Variants in PPM1D observed in about 807,000 individuals in gnomAD.
PPM1D encodes the protein protein phosphatase 1D.
PPM1D carries 52 observed loss-of-function variants against 58.3 expected under a neutral mutation model. The observed-to-expected ratio is 0.89, with a 90% CI of 0.71 to 1.12. The LOEUF is 1.12. Among genes scored for constraint, PPM1D ranks in the 50% most tolerant of loss-of-function variants. PPM1D has a pLI of 0.00. For missense variants in PPM1D, 564 were observed against 777.2 expected (o/e 0.73, Z 3.26); for synonymous variants, 278 against 285.1 (o/e 0.98, Z 0.25).
intron 3 of PPM1D, among the ~76,000 whole-genome samples, chr17:60,636,231 A>G (rs1462510243): frequency 1.3e-5 from 2 of 152,212 alleles, no homozygotes. Context: ...GCCCTGAATC[A>G]CTAAATCAAG....
At chr17:60,656,368 G>A (rs1269884682) in intron 4 of PPM1D, among the ~76,000 whole-genome samples, 1 of 151,192 alleles carries the variant, frequency 6.6e-6, no homozygotes, top group African/African-American at 2.4e-5. Flanking sequence ...CAGAAGAATG[G>A]CATGAACCCG....
At chr17:60,616,749 A>C (rs2030593717) in intron 1 of PPM1D, among the ~76,000 whole-genome samples, 1 of 152,220 alleles carries the variant, frequency 6.6e-6, no homozygotes, top group African/African-American at 2.4e-5. Context: ...GAATAGGGAA[A>C]GTATGAATTA....
At chr17:60,606,420 A>G (rs1221586111) in intron 1 of PPM1D, among the ~76,000 whole-genome samples, 2 of 152,224 alleles carry the variant, frequency 1.3e-5, no homozygotes, top group African/African-American at 4.8e-5. Context: ...CTATAAGTGG[A>G]ATTGCTGGAT....
intron 4 of PPM1D, among the ~76,000 whole-genome samples, chr17:60,651,665 G>A (rs2031345626): frequency 1.3e-5 from 2 of 151,978 alleles, no homozygotes; most frequent in Non-Finnish European, 1.5e-5. Context: ...CAAAGTGCTG[G>A]GATTACAGGT....
intron 3 of PPM1D, among the ~76,000 whole-genome samples, chr17:60,636,954 C>T (rs1255022231): frequency 2.7e-5 from 4 of 149,652 alleles, no homozygotes; most frequent in Non-Finnish European, 4.4e-5. Context: ...CGACAGCGCT[C>T]AGCCTACTCA....
chr17:60,648,319 C>A (rs1395812715), intron 4 of PPM1D, among the ~76,000 whole-genome samples: 2 of 151,950 alleles, frequency 1.3e-5, no homozygotes, highest in African/African-American at 2.4e-5. Flanking sequence ...TATAAATTGG[C>A]CTGTGAAACG....
At chr17:60,642,352 ATTTTTTTTTTT>A (rs760188816) in intron 3 of PPM1D, among the ~76,000 whole-genome samples, 1 of 124,874 alleles carries the variant, frequency 8.0e-6, no homozygotes, top group Non-Finnish European at 1.7e-5. Flanking sequence ...AGAAGAATGG[ATTTTTTTTTTT>A]TTTTTTTTTT....
In PPM1D at chr17:60,663,332, A is replaced by G; in HGVS notation, c.1598A>G (p.Asn533Ser). 6.2e-7 allele frequency: 1 copy of G among 1,614,188 alleles called. No individual in the cohort carries two copies. The highest frequency in any genetic ancestry group is 8.5e-7 in the Non-Finnish European group (1 of 1,180,018). Residue 533 changes from asparagine (N) to serine (S), a missense_variant, in exon 6 of 6, where the codon AAC (asparagine) becomes AGC (serine). By Grantham distance (46) the Asn-to-Ser change is conservative. Coordinates refer to ENST00000305921, the MANE Select transcript of PPM1D (RefSeq NM_003620.4). ...AQEIERTPPT[N>S]FKRTLEESNS... ...GAAATTGAAAGAACCCCTCCAACAA[A>G]CTTTAAAAGGACATTAGAAGAGTCC... is the stretch of plus-strand genomic sequence containing the variant.
intron 1 of PPM1D, among the ~76,000 whole-genome samples, chr17:60,610,187 A>G (rs1185273951): frequency 6.6e-6 from 1 of 152,064 alleles, no homozygotes; most frequent in Non-Finnish European, 1.5e-5. Flanking sequence ...AAAAAAAAAA[A>G]AAAAAAAGAT....
intron 2 of PPM1D, among the ~76,000 whole-genome samples, chr17:60,624,965 C>A (rs1368633747): frequency 1.3e-5 from 2 of 151,842 alleles, no homozygotes; most frequent in Non-Finnish European, 2.9e-5. Context: ...CATGGTGAAA[C>A]CCCATCTCTG....
chr17:60,642,190 G>C (rs1232927624), intron 3 of PPM1D, among the ~76,000 whole-genome samples: 1 of 152,072 alleles, frequency 6.6e-6, no homozygotes, highest in Non-Finnish European at 1.5e-5. Context: ...TGAATCATCT[G>C]GTGAGTTTGT....
At chr17:60,600,912 C>T (rs1296563625) in intron 1 of PPM1D, 26 bp downstream of exon 1, 4 of 1,612,560 alleles carry the variant, frequency 2.5e-6, no homozygotes, top group Non-Finnish European at 3.4e-6. Flanking sequence ...TGTTTGGCGC[C>T]CGCCCCTTTT....
chr17:60,641,089 G>A (rs982653308), intron 3 of PPM1D, among the ~76,000 whole-genome samples: 4 of 152,078 alleles, frequency 2.6e-5, no homozygotes, highest in African/African-American at 9.7e-5. Context: ...TTTTTGTAGA[G>A]CGATTTATTT....
Position 60,600,365 on chromosome 17 carries a change from G to T in PPM1D, c.-50G>T, listed in dbSNP as rs2143606399. The T allele has an allele frequency of 1.3e-6, 2 of 1,535,866 alleles. No homozygotes were observed. The highest frequency in any genetic ancestry group is 2.4e-5 in the South Asian group (2 of 83,610). ...GCGAGCGCCTAGTGTGTCTCCCGCCGCCGGATTCGGCGGGCTGCGTGGGAC... is the reference window on the plus strand; with the variant it reads ...GCGAGCGCCTAGTGTGTCTCCCGCCTCCGGATTCGGCGGGCTGCGTGGGAC... On this transcript the variant is annotated 5_prime_UTR_variant, in exon 1 of 6. Transcript: ENST00000305921.
Position 60,646,525 on chromosome 17 carries a change from CAA to C in PPM1D, c.827-1364_827-1363del, listed in dbSNP as rs142989296. 9.3e-3 allele frequency among the ~76,000 whole-genome samples: 1,418 copies of C among 152,272 alleles called. 27 individuals are homozygous for C. The highest frequency in any genetic ancestry group is 0.033 in the African/African-American group (1,357 of 41,560). On this transcript the variant is annotated intron_variant, in intron 3 of 5. Transcript: ENST00000305921. The stretch of plus-strand genomic sequence containing the variant: ...TTTCCCTTAAATAGTTCACAATAAA[CAA>C]AAGAGGCAGAAATTAATGTTTTCTC...
At position 60,663,594 on chromosome 17, in the gene PPM1D, A is replaced by G. The variant is rs372906504; in HGVS notation, c.*42A>G. The stretch of plus-strand genomic sequence containing the variant: ...GAGGTTTTTCCAAACTTAGGATATA[A>G]GAGGGCTTTTTAAATTTGGTGCCGA... On this transcript the variant is annotated 3_prime_UTR_variant, in exon 6 of 6. Transcript: ENST00000305921. 2.5e-5 allele frequency: 39 copies of G among 1,552,332 alleles called. No homozygotes were observed. Among genetic ancestry groups the G allele is most frequent in the Non-Finnish European group, 3.4e-5 (39 of 1,155,392 alleles).
chr17:60,661,607 T>A (rs28682367), intron 5 of PPM1D, among the ~76,000 whole-genome samples: 79 of 152,264 alleles, frequency 5.2e-4, no homozygotes, highest in African/African-American at 1.6e-3. Context: ...ACAGCATTTT[T>A]AAAAACAATA....
intron 1 of PPM1D, among the ~76,000 whole-genome samples, chr17:60,614,538 A>G (rs141385985): frequency 1.4e-3 from 217 of 152,270 alleles, no homozygotes; most frequent in Admixed American, 3.5e-3. Context: ...GGTGCCAGAT[A>G]AGGGAATAAA....
chr17:60,614,337 G>A (rs1226584124), intron 1 of PPM1D, among the ~76,000 whole-genome samples: 1 of 152,116 alleles, frequency 6.6e-6, no homozygotes, highest in Non-Finnish European at 1.5e-5. Flanking sequence ...TCTGTGTCTA[G>A]CTCAAGGTTT....
Sources: gnomAD v4.1 joint callset for allele counts (sites outside exome capture counted in the v4.1 genomes callset) on GRCh38, gnomAD v4.1.1 for gene constraint, MANE v1.5 for transcripts, NCBI Gene and HGNC (gene_info 2026-07-23, HGNC 2026-07-21) for gene names.